The following RCOR1 variants were observed in gnomAD, a reference collection of about 807,000 sequenced individuals.
RCOR1 encodes the protein REST corepressor.
Under a neutral mutation model 64.0 loss-of-function variants are expected in RCOR1, and 12 were observed. The observed-to-expected ratio is 0.19, with a 90% CI of 0.12 to 0.30. RCOR1 has a LOEUF of 0.30. Among genes scored for constraint, RCOR1 ranks in the 10% least tolerant of loss-of-function variants. The pLI is 1.00. For missense variants in RCOR1, 502 were observed against 621.2 expected (o/e 0.81, Z 2.04); for synonymous variants, 279 against 227.2 (o/e 1.23, Z -2.05).
intron 2 of RCOR1, among the ~76,000 whole-genome samples, chr14:102,667,177 A>G (rs962277896): frequency 6.6e-6 from 1 of 152,068 alleles, no homozygotes; most frequent in Non-Finnish European, 1.5e-5. Flanking sequence ...TCCATCCTGG[A>G]CAAACAGGGC....
Position 102,729,730 on chromosome 14 carries a change from T to C in RCOR1, c.*3224T>C, listed in dbSNP as rs2140000332. 1 of 398,070 alleles carries C rather than the reference T, an allele frequency of 2.5e-6. No individual in the cohort carries two copies. Among genetic ancestry groups the C allele is most frequent in the Non-Finnish European group, 4.4e-6 (1 of 225,900 alleles). 24.7% of individuals were successfully genotyped at this position (398,070 alleles called of 1,614,324 possible). ...TTTCAACGATACCCTATTTTTGTCA[T>C]TCTAAATATCAGATGTACTATTGGT... On this transcript the variant is annotated 3_prime_UTR_variant, in exon 12 of 12. Coordinates refer to ENST00000262241, the MANE Select transcript of RCOR1 (RefSeq NM_015156.4).
chr14:102,729,105 T>C lies in RCOR1; in HGVS notation c.*2599T>C, dbSNP rs1359947021. ...ATTATCAATGTGAATGTCATAATTATATATATTTTTGTGGAAAATTTTCTC... is the reference window on the plus strand; with the variant it reads ...ATTATCAATGTGAATGTCATAATTACATATATTTTTGTGGAAAATTTTCTC... On this transcript the variant is annotated 3_prime_UTR_variant, in exon 12 of 12. Coordinates refer to ENST00000262241, the MANE Select transcript of RCOR1 (RefSeq NM_015156.4). 1 of 152,642 alleles carries C rather than the reference T, an allele frequency of 6.6e-6. No homozygotes were observed. The highest frequency in any genetic ancestry group is 2.4e-5 in the African/African-American group (1 of 41,448). 9.5% of individuals were successfully genotyped at this position (152,642 alleles called of 1,614,324 possible). A position where few individuals can be genotyped will look rare whatever the true frequency, so the allele number is the denominator to read the frequency against.
chr14:102,678,116 T>C (rs1436251443), intron 2 of RCOR1, among the ~76,000 whole-genome samples: 2 of 150,888 alleles, frequency 1.3e-5, no homozygotes, highest in African/African-American at 4.9e-5. Flanking sequence ...GGCAGGAGAA[T>C]CAGGCAGGGA....
At chr14:102,675,645 A>G (rs544346774) in intron 2 of RCOR1, among the ~76,000 whole-genome samples, 98 of 152,334 alleles carry the variant, frequency 6.4e-4, no homozygotes, top group Non-Finnish European at 1.2e-3. Context: ...TTTTCAGACC[A>G]CAGTTGATCA....
chr14:102,691,193 C>T (rs889693252), intron 3 of RCOR1, among the ~76,000 whole-genome samples: 4 of 152,184 alleles, frequency 2.6e-5, no homozygotes, highest in African/African-American at 7.2e-5. Context: ...CATTGAGCGC[C>T]GTGAAGGAGA....
At chr14:102,707,273 ACTTTTCTTTTGCTGGTCTC>A in intron 4 of RCOR1, 59 bp from the exon 5 acceptor site, 1 of 1,166,454 alleles carries the variant, frequency 8.6e-7, no homozygotes, top group Non-Finnish European at 1.2e-6. Flanking sequence ...AGTCGTTTTT[ACTTTTCTTTTGCTGGTCTC>A]ATTTCCATTT....
At chr14:102,593,631 C>T (rs542335179) in intron 2 of RCOR1, among the ~76,000 whole-genome samples, 15 of 152,308 alleles carry the variant, frequency 9.8e-5, no homozygotes, top group African/African-American at 2.2e-4. Context: ...CTGGGGGTCC[C>T]TGCGTCCAGG....
intron 2 of RCOR1, among the ~76,000 whole-genome samples, chr14:102,637,934 TAA>T (rs970907972): frequency 3.3e-5 from 5 of 152,324 alleles, no homozygotes; most frequent in African/African-American, 1.2e-4. Flanking sequence ...AGTAAATAAT[TAA>T]GTTTAAAATA....
chr14:102,623,384 TTTATTATTTATTTA>T (rs1203670072), intron 2 of RCOR1, among the ~76,000 whole-genome samples: 8 of 136,336 alleles, frequency 5.9e-5, no homozygotes, highest in African/African-American at 2.5e-4. Context: ...CCTTTATTTA[TTTATTATTTATTTA>T]TTTATTTATT....
chr14:102,708,782 A>T (rs1281161971), intron 6 of RCOR1, among the ~76,000 whole-genome samples, 199 bp downstream of exon 6: 1 of 152,152 alleles, frequency 6.6e-6, no homozygotes, highest in African/African-American at 2.4e-5. Flanking sequence ...GTGAACTTCC[A>T]TTTTGAGTCA....
intron 2 of RCOR1, among the ~76,000 whole-genome samples, chr14:102,605,852 A>T (rs1267993974): frequency 6.6e-6 from 1 of 152,120 alleles, no homozygotes; most frequent in Non-Finnish European, 1.5e-5. Flanking sequence ...GGGACAAGGA[A>T]GGTATGGAGT....
intron 2 of RCOR1, 111 bp downstream of exon 2, chr14:102,593,436 C>T: frequency 8.5e-7 from 1 of 1,179,812 alleles, no homozygotes; most frequent in Non-Finnish European, 1.1e-6. Context: ...TGCGTTCGCC[C>T]TGCCGTCCGT....
At chr14:102,658,486 A>T in intron 2 of RCOR1, 1 of 978,988 alleles carries the variant, frequency 1.0e-6, no homozygotes, top group South Asian at 4.7e-5. Flanking sequence ...ACTCTGAAAA[A>T]AATAATAATA....
intron 2 of RCOR1, chr14:102,657,067 A>C (rs7155883): frequency 0.18 from 172,149 of 980,620 alleles, 15,799 homozygotes; most frequent in East Asian, 0.38. Context: ...GAATCACTGC[A>C]CCTGGCTAGA....
Position 102,677,212 on chromosome 14 carries a change from A to AC in RCOR1, c.362-4676dup, listed in dbSNP as rs1245140943. Among the ~76,000 whole-genome samples, 632 of 70,944 alleles carry AC rather than the reference A, an allele frequency of 8.9e-3. 10 individuals are homozygous for AC. The highest frequency in any genetic ancestry group is 0.016 in the South Asian group (30 of 1,840). 46.5% of individuals were successfully genotyped at this position (70,944 alleles called of 152,430 possible). ...GGGCGGCTGGCCGGGCAGGGGGCTG[A>AC]CCCCCCCTCCCCCCTCCCGGACGGG... On this transcript the variant is annotated intron_variant, in intron 2 of 11. Transcript: ENST00000262241.
chr14:102,714,940 A>C (rs1341476300), intron 8 of RCOR1, among the ~76,000 whole-genome samples: 1 of 152,184 alleles, frequency 6.6e-6, no homozygotes, highest in Non-Finnish European at 1.5e-5. Flanking sequence ...CATCTGGATC[A>C]AAAAATGGAA....
At chr14:102,718,917 T>C (rs1896121742) in intron 8 of RCOR1, among the ~76,000 whole-genome samples, 1 of 152,054 alleles carries the variant, frequency 6.6e-6, no homozygotes, top group African/African-American at 2.4e-5. Flanking sequence ...GCCCCCTAAG[T>C]AGGTAGGACT....
intron 2 of RCOR1, among the ~76,000 whole-genome samples, chr14:102,632,750 C>G (rs1411773885): frequency 2.4e-5 from 2 of 82,202 alleles, no homozygotes; most frequent in Non-Finnish European, 2.4e-5. Context: ...CTCCCCTCCC[C>G]TCCCCTCCCC....
chr14:102,609,278 G>C (rs956452447), intron 2 of RCOR1, among the ~76,000 whole-genome samples: 1 of 151,792 alleles, frequency 6.6e-6, no homozygotes, highest in Non-Finnish European at 1.5e-5. Flanking sequence ...CCCGACCTCA[G>C]GTGATCCGCC....
Sources: allele counts gnomAD v4.1 joint callset (sites outside exome capture counted in the v4.1 genomes callset), GRCh38; gene constraint gnomAD v4.1.1; transcripts MANE v1.5; gene names NCBI Gene and HGNC (gene_info 2026-07-23, HGNC 2026-07-21).